Variants in ACOT12 observed in about 807,000 individuals in gnomAD.
The protein encoded by ACOT12 is acetyl-coenzyme A thioesterase.
A neutral mutation model predicts 67.7 loss-of-function variants in ACOT12; 51 were observed. The observed-to-expected ratio is 0.75, with a 90% CI of 0.60 to 0.95. ACOT12 has a LOEUF of 0.95. ACOT12 is among the 40% of genes least tolerant of loss of function. The pLI is 0.00. For synonymous variants in ACOT12, 251 were observed against 244.6 expected, an observed-to-expected ratio of 1.03 and a Z score of -0.24; for missense variants, 734 against 708.1, an observed-to-expected ratio of 1.04 and a Z score of -0.41.
chr5:81,362,319 C>A (rs1580566905), intron 4 of ACOT12, among the ~76,000 whole-genome samples: 1 of 152,040 alleles, frequency 6.6e-6, no homozygotes, highest in African/African-American at 2.4e-5. Flanking sequence ...GCATGCACCA[C>A]CACGCCCAGT....
At chr5:81,331,872 T>C (rs1395873615) in intron 13 of ACOT12, among the ~76,000 whole-genome samples, 1 of 152,260 alleles carries the variant, frequency 6.6e-6, no homozygotes, top group Non-Finnish European at 1.5e-5. Context: ...TTTTTAATGA[T>C]GGTACAATAC....
intron 7 of ACOT12, 147 bp from the exon 8 acceptor site, chr5:81,345,188 G>T: frequency 9.6e-7 from 1 of 1,041,772 alleles, no homozygotes; most frequent in Non-Finnish European, 1.3e-6. Flanking sequence ...TTTGTTATCA[G>T]CAAACCTGTG....
chr5:81,326,328 T>G (rs572698741), downstream of ACOT12, among the ~76,000 whole-genome samples: 2 of 152,072 alleles, frequency 1.3e-5, no homozygotes, highest in East Asian at 3.9e-4. Flanking sequence ...TTCTTCATGT[T>G]GGTCAGGCTG....
chr5:81,312,619 C>T, the ACOT12 span: 68 of 1,613,666 alleles, frequency 4.2e-5, no homozygotes, highest in Non-Finnish European at 5.3e-5. Context: ...GTACCTAAAC[C>T]GCAAAAACCC....
At chr5:81,319,674 G>A in the ACOT12 span, among the ~76,000 whole-genome samples, 10 of 150,276 alleles carry the variant, frequency 6.7e-5, no homozygotes, top group African/African-American at 1.5e-4. Flanking sequence ...CTGAGATAGC[G>A]CCATTGCACT....
chr5:81,389,204 C>CA (rs1215133417), intron 1 of ACOT12, among the ~76,000 whole-genome samples: 1 of 152,100 alleles, frequency 6.6e-6, no homozygotes, highest in Non-Finnish European at 1.5e-5. Context: ...GCCTGCTGAG[C>CA]AGAGGGAACA....
chr5:81,324,028 G>A, the ACOT12 span, among the ~76,000 whole-genome samples: 1 of 151,820 alleles, frequency 6.6e-6, no homozygotes, highest in Non-Finnish European at 1.5e-5. Flanking sequence ...TGCAACCTCT[G>A]TCTCCTGGGC....
the ACOT12 span, among the ~76,000 whole-genome samples, chr5:81,310,108 G>A: frequency 2.2e-5 from 3 of 138,284 alleles, no homozygotes; most frequent in Admixed American, 1.6e-4. Flanking sequence ...TAGATAACAT[G>A]ACTAGTGAGC....
chr5:81,341,894 T>C (rs75748400), intron 11 of ACOT12, among the ~76,000 whole-genome samples: 2,745 of 152,320 alleles, frequency 0.018, 27 homozygotes, highest in African/African-American at 0.022. Context: ...AGACCATGTG[T>C]AAAAAGTTAA....
At chr5:81,355,545 G>C in intron 5 of ACOT12, among the ~76,000 whole-genome samples, 1 of 152,212 alleles carries the variant, frequency 6.6e-6, no homozygotes, top group Admixed American at 6.5e-5. Context: ...AGAGCAGAAG[G>C]ATGGTTCTGC....
chr5:81,380,573 AAAAAAAAG>A (rs1229655906), intron 2 of ACOT12, among the ~76,000 whole-genome samples: 90 of 147,714 alleles, frequency 6.1e-4, no homozygotes, highest in African/African-American at 1.8e-3. Flanking sequence ...GAAAAAAAAA[AAAAAAAAG>A]AAAAGAAATC....
chr5:81,382,762 A>G (rs1760620717), intron 2 of ACOT12, among the ~76,000 whole-genome samples: 1 of 151,940 alleles, frequency 6.6e-6, no homozygotes, highest in African/African-American at 2.4e-5. Context: ...AGATTGCGCC[A>G]TCGCACTCCA....
At chr5:81,383,065 C>T (rs1760631836) in intron 2 of ACOT12, among the ~76,000 whole-genome samples, 1 of 152,150 alleles carries the variant, frequency 6.6e-6, no homozygotes, top group African/African-American at 2.4e-5. Context: ...CATTAGATAT[C>T]ATATGGCCTT....
intron 3 of ACOT12, among the ~76,000 whole-genome samples, chr5:81,365,411 C>T (rs1189893000): frequency 6.6e-6 from 1 of 152,168 alleles, no homozygotes; most frequent in Non-Finnish European, 1.5e-5. Context: ...ATTCCCAACT[C>T]TCAACCCTCA....
chr5:81,327,716 C>G (rs991562911), downstream of ACOT12, among the ~76,000 whole-genome samples: 4 of 152,232 alleles, frequency 2.6e-5, no homozygotes, highest in Non-Finnish European at 4.4e-5. Flanking sequence ...GCTGGGATTA[C>G]AGGCGTGAGC....
At chr5:81,363,659 G>C (rs763606530) in intron 4 of ACOT12, 129 bp downstream of exon 4, 2 of 584,808 alleles carry the variant, frequency 3.4e-6, no homozygotes, top group Non-Finnish European at 5.6e-6. Context: ...AAATATTGGT[G>C]AATAACAAAT....
intron 5 of ACOT12, among the ~76,000 whole-genome samples, chr5:81,359,069 T>C (rs1414332022): frequency 1.3e-5 from 2 of 152,190 alleles, no homozygotes; most frequent in South Asian, 4.1e-4. Context: ...TCCTTCTCTT[T>C]TGACATCCTT....
At chr5:81,335,686 G>A (rs1758972955) in intron 12 of ACOT12, 82 bp downstream of exon 12, 10 of 1,455,264 alleles carry the variant, frequency 6.9e-6, no homozygotes, top group East Asian at 6.8e-5. Flanking sequence ...CACATTGGAC[G>A]ATGGAGATGG....
chr5:81,344,237 A>G, intron 8 of ACOT12, 22 bp from the exon 9 acceptor site: 4 of 1,602,044 alleles, frequency 2.5e-6, no homozygotes, highest in Non-Finnish European at 3.4e-6. Flanking sequence ...AACAAAGTAA[A>G]ATCAATAAAA....
Sources: gnomAD v4.1 joint callset for allele counts (sites outside exome capture counted in the v4.1 genomes callset) on GRCh38, gnomAD v4.1.1 for gene constraint, MANE v1.5 for transcripts, NCBI Gene and HGNC (gene_info 2026-07-23, HGNC 2026-07-21) for gene names.